RPS6KA2: variants seen among roughly 807,000 people sequenced by gnomAD.
RPS6KA2 encodes the protein ribosomal protein S6 kinase A2.
In RPS6KA2, 42 loss-of-function variants were observed where a neutral mutation model predicts 91.8. The ratio of observed to expected loss-of-function variants is 0.46; its 90% CI spans 0.36 to 0.59. RPS6KA2 has a LOEUF of 0.59. Ranked by LOEUF, RPS6KA2 falls within the 20% of genes least tolerant of loss-of-function variation. The pLI is 0.00. For synonymous variants in RPS6KA2, 414 were observed against 393.6 expected (o/e 1.05, Z -0.61); for missense variants, 798 against 978.5 (o/e 0.82, Z 2.46).
chr6:166,504,620 G>A lies in RPS6KA2; in HGVS notation c.460-8C>T, dbSNP rs1441914087. 3 of 1,586,076 alleles carry A rather than the reference G, an allele frequency of 1.9e-6. No homozygotes were observed. Among genetic ancestry groups the A allele is most frequent in the Admixed American group, 1.9e-5 (1 of 53,908 alleles). On this transcript the variant is annotated splice_region_variant and splice_polypyrimidine_tract_variant and intron_variant, in intron 5 of 20. Transcript: ENST00000265678. ...CTCCTCCGTGAACATGACCTAGTAA[G>A]AAAAAAACAAAAACAAAAACAAAAA...
Position 166,684,688 on chromosome 6 carries a change from G to A in RPS6KA2, c.124-145904C>T, listed in dbSNP as rs140895870. On this transcript the variant is annotated intron_variant, in intron 2 of 21. Coordinates refer to the RPS6KA2 transcript ENST00000503859. ...TCTGCCCCAGAGGCCCCAGGAATCC[G>A]GCAGATGCCGTTGGATGTATCCACA... Among the ~76,000 whole-genome samples the A allele has an allele frequency of 3.0e-3, 464 of 152,224 alleles. 2 individuals are homozygous for A. The highest frequency in any genetic ancestry group is 0.011 in the African/African-American group (444 of 41,530).
chr6:166,747,687 T>TA (rs1414745935), intron 2 of RPS6KA2, among the ~76,000 whole-genome samples: 10 of 152,208 alleles, frequency 6.6e-5, no homozygotes, highest in Admixed American at 3.3e-4. Flanking sequence ...CCACACAGCA[T>TA]AGCTGGTGTG....
intron 16 of RPS6KA2, among the ~76,000 whole-genome samples, chr6:166,426,253 A>T (rs950871316): frequency 2.0e-5 from 3 of 147,794 alleles, no homozygotes; most frequent in Non-Finnish European, 3.0e-5. Context: ...TTTGAAACCA[A>T]CGAGAACAAA....
intron 1 of RPS6KA2, among the ~76,000 whole-genome samples, chr6:166,604,613 A>T (rs893466470): frequency 6.6e-6 from 1 of 152,210 alleles, no homozygotes; most frequent in African/African-American, 2.4e-5. Flanking sequence ...CAGAGTTTTT[A>T]AAAGTCCTTC....
In RPS6KA2 at chr6:166,563,559, A is replaced by G. The variant is rs554443012; in HGVS notation, c.100-24775T>C. The stretch of plus-strand genomic sequence containing the variant: ...CCATCTGAGCGGCTGACCAGTCACC[A>G]GACTCACCCCCACCCGCCCTCTCCC... On this transcript the variant is annotated intron_variant, in intron 1 of 20. Transcript: ENST00000265678. This position sits in a 1 kb window ranked among gnomAD's most constrained non-coding sequence, Gnocchi z 4.1. Among the ~76,000 whole-genome samples the G allele has an allele frequency of 6.7e-5, 10 of 150,364 alleles. No homozygotes were observed. The highest frequency in any genetic ancestry group is 1.3e-4 in the Non-Finnish European group (9 of 67,554).
rs868092843 is a variant in RPS6KA2 at position 166,488,820 on chromosome 6, C to T, written c.907+13G>A. On this transcript the variant is annotated intron_variant, in intron 10 of 20. Transcript: ENST00000265678. ...TGCACGTTCCCGTGGTGGGGTGTCCCGGGGAATCTTACCCAGCCGGTTGCA... is the reference window on the plus strand; with the variant it reads ...TGCACGTTCCCGTGGTGGGGTGTCCTGGGGAATCTTACCCAGCCGGTTGCA... The T allele has an allele frequency of 1.2e-6, 2 of 1,607,374 alleles. No individual in the cohort carries two copies. The highest frequency in any genetic ancestry group is 1.7e-6 in the Non-Finnish European group (2 of 1,175,920).
chr6:166,786,180 C>T (rs1248581477), intron 2 of RPS6KA2, among the ~76,000 whole-genome samples: 1 of 152,126 alleles, frequency 6.6e-6, no homozygotes, highest in Non-Finnish European at 1.5e-5. Flanking sequence ...GGTGAACAGT[C>T]TCCTTTTATT....
At chr6:166,847,089 A>T (rs1780626748) in intron 2 of RPS6KA2, among the ~76,000 whole-genome samples, 1 of 152,202 alleles carries the variant, frequency 6.6e-6, no homozygotes, top group Non-Finnish European at 1.5e-5. Flanking sequence ...ATTAATGTAC[A>T]CAAATCAATA....
intron 1 of RPS6KA2, among the ~76,000 whole-genome samples, chr6:166,614,116 G>C (rs867778757): frequency 1.3e-5 from 2 of 152,152 alleles, no homozygotes; most frequent in Non-Finnish European, 2.9e-5. Flanking sequence ...TCAGCCCTGC[G>C]GAGATGTCTC....
chr6:166,862,116 C>T (rs1377516090), exon 1 of RPS6KA2: 4 of 1,614,252 alleles, frequency 2.5e-6, no homozygotes, highest in Non-Finnish European at 8.5e-7. Flanking sequence ...ACCTCTATTT[C>T]CATAGGCTCC....
At chr6:166,859,199 T>C (rs1780986131) in intron 1 of RPS6KA2, among the ~76,000 whole-genome samples, 1 of 152,264 alleles carries the variant, frequency 6.6e-6, no homozygotes, top group Non-Finnish European at 1.5e-5. Context: ...TTGATCTGCA[T>C]TGTTTAAAAA....
chr6:166,659,184 A>G (rs900444747), intron 2 of RPS6KA2, among the ~76,000 whole-genome samples: 2 of 152,236 alleles, frequency 1.3e-5, no homozygotes, highest in African/African-American at 4.8e-5. Context: ...GAAGTCAGAC[A>G]GGCTAAAAAA....
intron 13 of RPS6KA2, among the ~76,000 whole-genome samples, chr6:166,450,200 G>A (rs1779840334): frequency 7.3e-6 from 1 of 136,794 alleles, no homozygotes; most frequent in African/African-American, 2.8e-5. Context: ...GGATCACCAT[G>A]GGAGGCTACC....
chr6:166,469,957 T>A, intron 10 of RPS6KA2, 52 bp from the exon 11 acceptor site: 2 of 1,509,374 alleles, frequency 1.3e-6, no homozygotes, highest in Non-Finnish European at 1.8e-6. Context: ...TGGGGTTCTC[T>A]GACAGTTTCC....
intron 2 of RPS6KA2, among the ~76,000 whole-genome samples, chr6:166,796,652 G>A (rs1242813598): frequency 6.6e-6 from 1 of 152,228 alleles, no homozygotes; most frequent in South Asian, 2.1e-4. Context: ...TCTTCCCATT[G>A]GAGCCTCTCT....
rs190084209 is a variant in RPS6KA2, at chr6:166,849,979, C to T, written c.123+8221G>A. On this transcript the variant is annotated intron_variant, in intron 2 of 21. Coordinates refer to the RPS6KA2 transcript ENST00000503859. The surrounding 1 kb of genome is among the most constrained non-coding windows in gnomAD (Gnocchi z 4.9). Reference sequence around the variant, plus strand: ...CGGGTTCAGGAACGAGGGGCACTCACGCATGGCTCTGCTATGCCCACGGGG... The same window carrying T: ...CGGGTTCAGGAACGAGGGGCACTCATGCATGGCTCTGCTATGCCCACGGGG... Among the ~76,000 whole-genome samples, 3 of 151,990 alleles carry T rather than the reference C, an allele frequency of 2.0e-5. No individual in the cohort carries two copies. The highest frequency in any genetic ancestry group is 4.8e-5 in the African/African-American group (2 of 41,474).
At chr6:166,745,223 C>CT (rs1382696450) in intron 2 of RPS6KA2, among the ~76,000 whole-genome samples, 2 of 149,660 alleles carry the variant, frequency 1.3e-5, no homozygotes, top group Non-Finnish European at 2.9e-5. Flanking sequence ...GCCATCTCGG[C>CT]TCACTGCAAC....
chr6:166,826,016 C>A (rs993614745), intron 2 of RPS6KA2, among the ~76,000 whole-genome samples: 3 of 152,118 alleles, frequency 2.0e-5, no homozygotes, highest in African/African-American at 7.2e-5. Context: ...CCAAGGCAAG[C>A]ACAACAATGA....
At position 166,642,181 on chromosome 6, in the gene RPS6KA2, A is replaced by G. The variant is rs568041774; in HGVS notation, c.124-103397T>C. Among the ~76,000 whole-genome samples, 32 of 152,356 alleles carry G rather than the reference A, an allele frequency of 2.1e-4. No homozygotes were observed. In the South Asian group the frequency reaches 6.0e-3, roughly 29 times the overall value. On this transcript the variant is annotated intron_variant, in intron 2 of 21. Coordinates refer to the RPS6KA2 transcript ENST00000503859. Reference sequence around the variant, plus strand: ...CAGAAGAAAAGACAACTTTTCTACAAATGAATGTTAATTACTGTCAGCTAC... The same window carrying G: ...CAGAAGAAAAGACAACTTTTCTACAGATGAATGTTAATTACTGTCAGCTAC...
Sources: allele counts gnomAD v4.1 joint callset (sites outside exome capture counted in the v4.1 genomes callset), GRCh38; gene constraint gnomAD v4.1.1; non-coding constraint Gnocchi (gnomAD v3.1); transcripts MANE v1.5; gene names NCBI Gene and HGNC (gene_info 2026-07-23, HGNC 2026-07-21).